GLIS3: variants seen among roughly 807,000 people sequenced by gnomAD.
GLIS3 encodes the protein zinc finger protein GLIS3.
Under a neutral mutation model 78.6 loss-of-function variants are expected in GLIS3, and 53 were observed. The observed-to-expected ratio is 0.67, with a 90% CI of 0.54 to 0.85. The LOEUF (loss-of-function observed/expected upper bound fraction) is 0.85, where lower values mean the gene tolerates loss of function less well. GLIS3 is among the 40% of genes least tolerant of loss of function. The probability of loss-of-function intolerance (pLI) is 0.00; values close to 1 mark genes in which losing one functional copy is unlikely to be tolerated. For missense variants in GLIS3, 1,703 were observed against 1,231.1 expected, an observed-to-expected ratio of 1.38 and a Z score of -5.74; for synonymous variants, 684 against 509.9, an observed-to-expected ratio of 1.34 and a Z score of -4.60.
intron 2 of GLIS3, among the ~76,000 whole-genome samples, chr9:4,238,588 T>C (rs1292387989): frequency 6.6e-6 from 1 of 152,216 alleles, no homozygotes; most frequent in Non-Finnish European, 1.5e-5. Flanking sequence ...AGCTTAACCC[T>C]TTCTGGGAAG....
At chr9:4,292,789 T>G (rs1228937964) in intron 1 of GLIS3, among the ~76,000 whole-genome samples, 1 of 152,208 alleles carries the variant, frequency 6.6e-6, no homozygotes, top group Non-Finnish European at 1.5e-5. Context: ...CCTCTTACAC[T>G]GCTAAAGTGG....
chr9:4,486,058 T>A, the GLIS3 span, among the ~76,000 whole-genome samples: 1,151 of 152,332 alleles, frequency 7.6e-3, 18 homozygotes, highest in African/African-American at 0.027. Context: ...TTTTATTATT[T>A]CAAAATGTTT....
At chr9:4,009,588 T>A (rs1313297664) in intron 4 of GLIS3, among the ~76,000 whole-genome samples, 3 of 152,200 alleles carry the variant, frequency 2.0e-5, no homozygotes, top group East Asian at 3.9e-4. Flanking sequence ...GGGCCATGGT[T>A]AGAGCCAAAG....
chr9:4,155,146 T>C (rs1456160020), intron 2 of GLIS3, among the ~76,000 whole-genome samples: 1 of 152,204 alleles, frequency 6.6e-6, no homozygotes, highest in African/African-American at 2.4e-5. Context: ...ATTTAAAAAA[T>C]GTTCTGCAAT....
intron 4 of GLIS3, among the ~76,000 whole-genome samples, chr9:3,974,157 C>T (rs898740924): frequency 6.6e-6 from 1 of 152,080 alleles, no homozygotes; most frequent in Non-Finnish European, 1.5e-5. Context: ...TGGATTTACA[C>T]CTTTTTTTTT....
intron 4 of GLIS3, among the ~76,000 whole-genome samples, chr9:4,089,209 A>T: frequency 6.6e-6 from 1 of 152,152 alleles, no homozygotes; most frequent in East Asian, 1.9e-4. Context: ...TTTTGTGGGG[A>T]TGCACTGATC....
intron 8 of GLIS3, among the ~76,000 whole-genome samples, chr9:3,860,851 T>C (rs1029689842): frequency 7.2e-5 from 11 of 152,156 alleles, no homozygotes; most frequent in African/African-American, 2.7e-4. Context: ...TTCTAAGCAC[T>C]AGGGATAGAG....
intron 9 of GLIS3, among the ~76,000 whole-genome samples, chr9:3,830,798 G>A (rs1349767146): frequency 6.6e-6 from 1 of 152,158 alleles, no homozygotes; most frequent in Non-Finnish European, 1.5e-5. Context: ...AAAAGAGAGG[G>A]AAGGTGCTAT....
chr9:3,883,740 G>A (rs1254044568), intron 7 of GLIS3, among the ~76,000 whole-genome samples: 1 of 152,176 alleles, frequency 6.6e-6, no homozygotes, highest in Non-Finnish European at 1.5e-5. Flanking sequence ...GCTGCAAGAG[G>A]GCTTCTAAGT....
At chr9:3,828,487 G>A (rs1817852866) in intron 10 of GLIS3, 79 bp from the exon 11 acceptor site, 3 of 1,574,270 alleles carry the variant, frequency 1.9e-6, no homozygotes, top group African/African-American at 1.3e-5. Flanking sequence ...CAGTAATGCA[G>A]CTCACCAAGT....
intron 2 of GLIS3, among the ~76,000 whole-genome samples, chr9:4,262,076 C>A (rs149633572): frequency 1.3e-5 from 2 of 152,136 alleles, no homozygotes; most frequent in African/African-American, 4.8e-5. Flanking sequence ...GAAAGAGACC[C>A]GGTCTAGTCC....
chr9:4,086,259 T>C (rs1009076704), intron 4 of GLIS3, among the ~76,000 whole-genome samples: 5 of 152,106 alleles, frequency 3.3e-5, no homozygotes, highest in African/African-American at 1.2e-4. Flanking sequence ...ATCCCCCAAG[T>C]CCCAACTGAA....
At chr9:4,127,429 G>A (rs796552960) in intron 2 of GLIS3, among the ~76,000 whole-genome samples, 2 of 152,056 alleles carry the variant, frequency 1.3e-5, no homozygotes, top group South Asian at 2.1e-4. Context: ...CCCTCCCATT[G>A]CAGTTTATAT....
chr9:4,327,897 G>C (rs1311202693), intron 2 of GLIS3, among the ~76,000 whole-genome samples: 2 of 152,242 alleles, frequency 1.3e-5, no homozygotes, highest in African/African-American at 4.8e-5. Flanking sequence ...AAGTTTCTCA[G>C]TTGAGCTGTC....
In GLIS3 at chr9:4,118,696, G is replaced by T. The variant is rs774199290; in HGVS notation, c.782C>A (p.Ser261Tyr). Reference protein sequence around the residue: ...LLSLPPGTSMSSNSVSNSLPS... With the variant: ...LLSLPPGTSMYSNSVSNSLPS... ...TAATGAGTTAGAGACACTATTGCTG[G>T]ACATGGATGTCCCGGGAGGAAGGCT... The change falls in exon 4 of 11, where the codon TCC becomes TAC. Residue 261 changes from serine (S) to tyrosine (Y), a missense_variant. Ser to Tyr is a moderately radical substitution (Grantham distance 144). Transcript: ENST00000381971. The surrounding 1 kb of genome is among the most constrained non-coding windows in gnomAD (Gnocchi z 4.7). 5.0e-6 allele frequency: 8 copies of T among 1,614,106 alleles called. No individual in the cohort carries two copies. The highest frequency in any genetic ancestry group is 5.9e-6 in the Non-Finnish European group (7 of 1,180,016).
chr9:4,043,890 G>C (rs1191087175), intron 4 of GLIS3, among the ~76,000 whole-genome samples: 3 of 152,166 alleles, frequency 2.0e-5, no homozygotes, highest in Non-Finnish European at 4.4e-5. Flanking sequence ...TCTTGGGTTG[G>C]GGGCTCCCAG....
At chr9:3,832,930 A>G (rs1167241539) in intron 9 of GLIS3, among the ~76,000 whole-genome samples, 1 of 152,156 alleles carries the variant, frequency 6.6e-6, no homozygotes, top group East Asian at 1.9e-4. Flanking sequence ...ATGAAAACCA[A>G]TTTATTCACC....
the GLIS3 span, among the ~76,000 whole-genome samples, chr9:4,362,163 G>T: frequency 6.6e-6 from 1 of 152,262 alleles, no homozygotes; most frequent in Non-Finnish European, 1.5e-5. Flanking sequence ...ACTGGCCATT[G>T]TGTCTCAAAT....
intron 2 of GLIS3, among the ~76,000 whole-genome samples, chr9:4,189,687 G>A (rs141888609): frequency 0.016 from 2,497 of 152,206 alleles, 68 homozygotes; most frequent in African/African-American, 0.058. Flanking sequence ...CCTGTACTGG[G>A]TGCATATATA....
Sources: gnomAD v4.1 joint callset for allele counts (sites outside exome capture counted in the v4.1 genomes callset) on GRCh38, gnomAD v4.1.1 for gene constraint, Gnocchi (gnomAD v3.1) non-coding constraint, MANE v1.5 for transcripts, NCBI Gene and HGNC (gene_info 2026-07-23, HGNC 2026-07-21) for gene names.